The following RNF13 variants were observed in gnomAD, a reference collection of about 807,000 sequenced individuals.
The protein encoded by RNF13 is E3 ubiquitin-protein ligase RNF13.
RNF13 carries 19 observed loss-of-function variants against 37.7 expected under a neutral mutation model. The ratio of observed to expected loss-of-function variants is 0.50; its 90% CI spans 0.35 to 0.74. RNF13 has a LOEUF of 0.74. Among genes scored for constraint, RNF13 ranks in the 30% least tolerant of loss-of-function variants. The pLI is 0.01. For missense variants in RNF13, 375 were observed against 453.0 expected, an observed-to-expected ratio of 0.83 and a Z score of 1.56; for synonymous variants, 144 against 157.8, an observed-to-expected ratio of 0.91 and a Z score of 0.65.
chr3:149,876,981 T>C (rs150881364), intron 4 of RNF13, among the ~76,000 whole-genome samples: 4,189 of 152,114 alleles, frequency 0.028, 85 homozygotes, highest in South Asian at 0.053. Context: ...TATTTCATCA[T>C]GTTGGCCAGG....
chr3:149,816,853 T>G (rs1453245129), intron 1 of RNF13, among the ~76,000 whole-genome samples: 2 of 152,190 alleles, frequency 1.3e-5, no homozygotes, highest in Non-Finnish European at 2.9e-5. Flanking sequence ...TTATAGTAGT[T>G]GAGGCAAGAA....
intron 4 of RNF13, chr3:149,893,840 T>G (rs1177585957): frequency 6.6e-6 from 1 of 152,222 alleles, no homozygotes; most frequent in Non-Finnish European, 1.5e-5. Flanking sequence ...TGCACAACTC[T>G]AAAACATACT....
rs79310896 is a variant in RNF13, at chr3:149,932,342, G to A, written c.700+11115G>A. Reference sequence around the variant, plus strand: ...TCCCCTTTCTCCCGCCACATCACATGTTCCTCTTGCGTAGTACAATACAAT... The same window carrying A: ...TCCCCTTTCTCCCGCCACATCACATATTCCTCTTGCGTAGTACAATACAAT... On this transcript the variant is annotated intron_variant, in intron 8 of 9. Transcript: ENST00000392894. Among the ~76,000 whole-genome samples, 54 of 152,126 alleles carry A rather than the reference G, an allele frequency of 3.5e-4. No individual in the cohort carries two copies. In the East Asian group the frequency reaches 7.5e-3, roughly 21 times the overall value.
chr3:149,884,586 T>C (rs994676006), intron 4 of RNF13, among the ~76,000 whole-genome samples: 2 of 151,848 alleles, frequency 1.3e-5, no homozygotes, highest in African/African-American at 2.4e-5. Flanking sequence ...AGGGAACCCA[T>C]CTACATTTTT....
intron 1 of RNF13, among the ~76,000 whole-genome samples, chr3:149,832,474 A>G (rs1351669103): frequency 6.6e-6 from 1 of 152,208 alleles, no homozygotes; most frequent in Non-Finnish European, 1.5e-5. Context: ...CAAATTTTTC[A>G]GTGACCAGCA....
In RNF13 at chr3:149,961,374, A is replaced by AAT. The variant is rs1559981902; in HGVS notation, c.*270_*271insAT. On this transcript the variant is annotated 3_prime_UTR_variant, in exon 10 of 10. Coordinates refer to ENST00000392894, the MANE Select transcript of RNF13 (RefSeq NM_183381.3). ...ATAGCCAAAACATAAAAAAAAAAAA[A>AAT]TCCTCAGTATAGCTTGCAATTAAGA... The AAT allele has an allele frequency of 1.7e-4, 100 of 582,686 alleles. No individual in the cohort carries two copies. The highest frequency in any genetic ancestry group is 2.1e-4 in the Non-Finnish European group (66 of 312,536). 36.1% of individuals were successfully genotyped at this position (582,686 alleles called of 1,614,324 possible). A position where few individuals can be genotyped will look rare whatever the true frequency, so the allele number is the denominator to read the frequency against.
At chr3:149,839,525 A>C (rs1284170003) in intron 1 of RNF13, among the ~76,000 whole-genome samples, 2 of 150,408 alleles carry the variant, frequency 1.3e-5, no homozygotes, top group Non-Finnish European at 3.0e-5. Context: ...AAGCAAAGGC[A>C]TGTCTTACAT....
chr3:149,818,275 A>G (rs1016119314), intron 1 of RNF13, among the ~76,000 whole-genome samples: 73 of 152,344 alleles, frequency 4.8e-4, no homozygotes, highest in African/African-American at 1.8e-3. Context: ...GGGAGAAATA[A>G]GGTGCATTTT....
intron 8 of RNF13, among the ~76,000 whole-genome samples, chr3:149,922,195 G>T (rs1466894332): frequency 6.6e-6 from 1 of 151,976 alleles, no homozygotes; most frequent in Non-Finnish European, 1.5e-5. Context: ...GCTGGTCTTG[G>T]ACTCCTGACC....
chr3:149,923,017 AATAAAAC>A (rs1321623879), intron 8 of RNF13, among the ~76,000 whole-genome samples: 2 of 152,060 alleles, frequency 1.3e-5, no homozygotes, highest in African/African-American at 2.4e-5. Flanking sequence ...AGAAAAAGGC[AATAAAAC>A]ATAGTTCTGC....
chr3:149,920,679 T>G (rs900852942), intron 7 of RNF13, among the ~76,000 whole-genome samples: 6 of 152,134 alleles, frequency 3.9e-5, no homozygotes, highest in East Asian at 1.9e-4. Context: ...TCTGAATATT[T>G]GTAGTGAAGG....
intron 8 of RNF13, among the ~76,000 whole-genome samples, chr3:149,935,800 C>T (rs764148054): frequency 6.6e-6 from 1 of 152,184 alleles, no homozygotes; most frequent in African/African-American, 2.4e-5. Context: ...ACCACAGTTA[C>T]AGTATTAGAG....
chr3:149,951,130 ACT>A (rs1721288869), intron 8 of RNF13, among the ~76,000 whole-genome samples: 1 of 152,052 alleles, frequency 6.6e-6, no homozygotes, highest in Non-Finnish European at 1.5e-5. Context: ...AAGTGTTTTA[ACT>A]CTCAGACTTG....
intron 4 of RNF13, among the ~76,000 whole-genome samples, chr3:149,890,759 G>A (rs150000492): frequency 6.2e-4 from 94 of 152,154 alleles, no homozygotes; most frequent in Non-Finnish European, 1.0e-3. Context: ...CATTTGCCCT[G>A]TTGTAGCTCT....
chr3:149,950,285 CTGTT>C (rs3058962), intron 8 of RNF13, among the ~76,000 whole-genome samples: 102,774 of 151,594 alleles, frequency 0.68, 35,782 homozygotes, highest in East Asian at 0.92. Context: ...ATATCTGAGT[CTGTT>C]TGTGATGCCT....
intron 8 of RNF13, chr3:149,959,834 TAATC>T (rs1178642712): frequency 1.8e-5 from 7 of 382,626 alleles, no homozygotes; most frequent in East Asian, 4.4e-5. Context: ...TTTGCAAAGA[TAATC>T]AAGGTAAACA....
chr3:149,836,992 G>A (rs1721688595), intron 1 of RNF13, among the ~76,000 whole-genome samples: 1 of 152,184 alleles, frequency 6.6e-6, no homozygotes, highest in African/African-American at 2.4e-5. Flanking sequence ...CCAGGGGATG[G>A]GGCATGGGTA....
chr3:149,867,875 G>A (rs926575264), intron 3 of RNF13, among the ~76,000 whole-genome samples: 4 of 151,508 alleles, frequency 2.6e-5, no homozygotes, highest in Admixed American at 6.6e-5. Flanking sequence ...GTCTTCCTTT[G>A]TGGTTATTTT....
chr3:149,912,770 G>A (rs192726201), intron 7 of RNF13, among the ~76,000 whole-genome samples: 9 of 152,016 alleles, frequency 5.9e-5, no homozygotes, highest in African/African-American at 1.9e-4. Context: ...TCTCCATAAC[G>A]GTGGTTATCA....
Sources: allele counts gnomAD v4.1 joint callset (sites outside exome capture counted in the v4.1 genomes callset), GRCh38; gene constraint gnomAD v4.1.1; transcripts MANE v1.5; gene names NCBI Gene and HGNC (gene_info 2026-07-23, HGNC 2026-07-21).